The following TTC28 variants were observed in gnomAD, a reference collection of about 807,000 sequenced individuals.
TTC28 encodes the protein tetratricopeptide repeat protein 28.
Under a neutral mutation model 198.0 loss-of-function variants are expected in TTC28, and 61 were observed. The ratio of observed to expected loss-of-function variants is 0.31; its 90% CI spans 0.25 to 0.38. The LOEUF (loss-of-function observed/expected upper bound fraction) is 0.38, where lower values mean the gene tolerates loss of function less well. Ranked by LOEUF, TTC28 falls within the 10% of genes least tolerant of loss-of-function variation. The probability of loss-of-function intolerance (pLI) is 1.00; values close to 1 mark genes in which losing one functional copy is unlikely to be tolerated. For missense variants in TTC28, 2,678 were observed against 3,164.0 expected, an observed-to-expected ratio of 0.85 and a Z score of 3.69; for synonymous variants, 1,171 against 1,297.8, an observed-to-expected ratio of 0.90 and a Z score of 2.10.
chr22:28,191,675 C>T (rs1488251512), intron 5 of TTC28, among the ~76,000 whole-genome samples: 11 of 152,210 alleles, frequency 7.2e-5, no homozygotes, highest in Non-Finnish European at 1.0e-4. Flanking sequence ...CCTATGCCCA[C>T]GGAGCCTTGC....
At chr22:28,335,093 A>G (rs934358266) in intron 2 of TTC28, among the ~76,000 whole-genome samples, 2 of 152,186 alleles carry the variant, frequency 1.3e-5, no homozygotes, top group Non-Finnish European at 2.9e-5. Flanking sequence ...TCTTCCCAGC[A>G]CCATTTATTA....
Position 28,416,990 on chromosome 22 carries a change from T to C in TTC28, c.382-110347A>G, listed in dbSNP as rs183379753. ...AACAATTTTGCAAGCGAGTTTCTTT[T>C]AGCACAGTTATTTTTTCCCAATTTA... On this transcript the variant is annotated intron_variant, in intron 2 of 22. Coordinates refer to ENST00000397906, the MANE Select transcript of TTC28 (RefSeq NM_001145418.2). 9.2e-5 allele frequency among the ~76,000 whole-genome samples: 14 copies of C among 152,318 alleles called. No homozygotes were observed. In the East Asian group the frequency reaches 1.2e-3, roughly 13 times the overall value.
intron 2 of TTC28, among the ~76,000 whole-genome samples, chr22:28,489,210 G>A (rs2048345950): frequency 6.6e-6 from 1 of 151,966 alleles, no homozygotes; most frequent in African/African-American, 2.4e-5. Context: ...CTTGAGCCCA[G>A]GAATTCGAGG....
At chr22:28,534,990 A>G (rs771749854) in intron 2 of TTC28, among the ~76,000 whole-genome samples, 18 of 152,126 alleles carry the variant, frequency 1.2e-4, no homozygotes, top group Non-Finnish European at 2.5e-4. Context: ...GCACACCAAC[A>G]TGGCACATGT....
chr22:28,399,015 C>CT (rs77161387), intron 2 of TTC28, among the ~76,000 whole-genome samples: 2,749 of 135,190 alleles, frequency 0.02, 30 homozygotes, highest in African/African-American at 0.035. Context: ...GTTATTTTGC[C>CT]TTTTTTTTTT....
intron 12 of TTC28, among the ~76,000 whole-genome samples, chr22:28,076,696 C>A (rs998644437): frequency 1.1e-4 from 17 of 152,162 alleles, no homozygotes; most frequent in Non-Finnish European, 2.2e-4. Flanking sequence ...CCCACCTTAG[C>A]CCTGCAAGTA....
intron 1 of TTC28, among the ~76,000 whole-genome samples, chr22:28,638,843 T>C (rs1384831114): frequency 6.6e-6 from 1 of 152,202 alleles, no homozygotes; most frequent in Non-Finnish European, 1.5e-5. Flanking sequence ...TCATACATTA[T>C]TGGTAGAAGG....
chr22:28,248,247 A>C (rs1930251943), intron 5 of TTC28, among the ~76,000 whole-genome samples: 1 of 152,186 alleles, frequency 6.6e-6, no homozygotes, highest in Admixed American at 6.5e-5. Context: ...ACATGGCTGA[A>C]AACTCCAGGA....
chr22:28,262,606 A>G (rs1052249503), intron 5 of TTC28, among the ~76,000 whole-genome samples: 1 of 152,138 alleles, frequency 6.6e-6, no homozygotes, highest in Non-Finnish European at 1.5e-5. Context: ...ACAATCAACT[A>G]TGAGATTTCT....
At chr22:28,298,731 G>T (rs1355676121) in intron 3 of TTC28, among the ~76,000 whole-genome samples, 1 of 152,064 alleles carries the variant, frequency 6.6e-6, no homozygotes, top group African/African-American at 2.4e-5. Context: ...GATTACCAGT[G>T]TGAGTTACCA....
chr22:28,416,896 T>C (rs777701622), intron 2 of TTC28, among the ~76,000 whole-genome samples: 1 of 152,228 alleles, frequency 6.6e-6, no homozygotes, highest in Non-Finnish European at 1.5e-5. Context: ...ACTTCATCTC[T>C]ATATAAAGAA....
intron 6 of TTC28, among the ~76,000 whole-genome samples, chr22:28,145,742 C>T (rs922007150): frequency 1.2e-4 from 18 of 152,116 alleles, no homozygotes; most frequent in African/African-American, 4.3e-4. Flanking sequence ...TTTCTTTTAG[C>T]ACTTGGTTTT....
chr22:28,621,965 T>TG (rs1401548727), intron 2 of TTC28, among the ~76,000 whole-genome samples: 1 of 152,136 alleles, frequency 6.6e-6, no homozygotes, highest in Non-Finnish European at 1.5e-5. Flanking sequence ...CAGTAGAGAC[T>TG]GGCTAGGGGA....
chr22:27,996,464 A>G (rs758085294), intron 16 of TTC28: 18 of 708,272 alleles, frequency 2.5e-5, no homozygotes, highest in Admixed American at 1.5e-4. Flanking sequence ...TTAAGAATCA[A>G]TATTGTTCAG....
chr22:28,480,716 T>C (rs938655232), intron 2 of TTC28, among the ~76,000 whole-genome samples: 1 of 151,058 alleles, frequency 6.6e-6, no homozygotes, highest in African/African-American at 2.4e-5. Flanking sequence ...CTGTTTCCTA[T>C]CAAATGAAAC....
intron 5 of TTC28, among the ~76,000 whole-genome samples, chr22:28,168,592 A>C (rs1194762714): frequency 3.3e-5 from 5 of 152,146 alleles, no homozygotes; most frequent in Non-Finnish European, 7.4e-5. Context: ...TATTTAATAA[A>C]TGGTGCTGGG....
chr22:28,276,813 C>T (rs1276182110), intron 5 of TTC28, among the ~76,000 whole-genome samples: 1 of 152,156 alleles, frequency 6.6e-6, no homozygotes, highest in Non-Finnish European at 1.5e-5. Flanking sequence ...ATCTTAACCA[C>T]ATTCTGCTTA....
intron 12 of TTC28, among the ~76,000 whole-genome samples, chr22:28,049,535 T>C (rs994479634): frequency 1.3e-5 from 2 of 152,170 alleles, no homozygotes; most frequent in Non-Finnish European, 2.9e-5. Flanking sequence ...AGCAGAGGAC[T>C]AGTGCTCTAG....
intron 2 of TTC28, among the ~76,000 whole-genome samples, chr22:28,315,977 T>C (rs1190948220): frequency 6.6e-6 from 1 of 152,196 alleles, no homozygotes; most frequent in Non-Finnish European, 1.5e-5. Flanking sequence ...CAAAGACTTT[T>C]ATAAGAAACT....
Sources: allele counts gnomAD v4.1 joint callset (sites outside exome capture counted in the v4.1 genomes callset), GRCh38; gene constraint gnomAD v4.1.1; transcripts MANE v1.5; gene names NCBI Gene and HGNC (gene_info 2026-07-23, HGNC 2026-07-21).